The following PTK2 variants were observed in gnomAD, a reference collection of about 807,000 sequenced individuals.
PTK2 encodes protein tyrosine kinase 2, also known as focal adhesion kinase 1.
PTK2 carries 45 observed loss-of-function variants against 150.1 expected under a neutral mutation model. That is an observed-to-expected ratio of 0.30 (90% CI 0.24 to 0.38). PTK2 has a LOEUF of 0.38. Ranked by LOEUF, PTK2 falls within the 10% of genes least tolerant of loss-of-function variation. PTK2 has a pLI of 1.00. For missense variants in PTK2, 919 were observed against 1,307.3 expected (o/e 0.70, Z 4.58); for synonymous variants, 432 against 449.2 (o/e 0.96, Z 0.48).
rs2100081969 is a variant in PTK2, at chr8:140,781,988, C to T, written c.1177+7486G>A. On this transcript the variant is annotated intron_variant, in intron 14 of 31. Coordinates refer to ENST00000522684, the Ensembl canonical transcript of PTK2. Reference sequence around the variant, plus strand: ...TATTTTGATTGTTCACTTCCTTATTCATGCACAACACGATCAGCCAGTCTA... The same window carrying T: ...TATTTTGATTGTTCACTTCCTTATTTATGCACAACACGATCAGCCAGTCTA... Among the ~76,000 whole-genome samples the T allele has an allele frequency of 3.3e-5, 5 of 152,204 alleles. No individual in the cohort carries two copies. The South Asian group carries it at 1.0e-3, about 32-fold the overall frequency.
chr8:140,851,945 G>A (rs551864900), intron 5 of PTK2, among the ~76,000 whole-genome samples: 8 of 151,900 alleles, frequency 5.3e-5, no homozygotes, highest in South Asian at 2.1e-4. Context: ...GTGTGTGCCC[G>A]TGTGTGTACT....
chr8:140,973,371 A>C (rs1411432339), intron 1 of PTK2, among the ~76,000 whole-genome samples: 1 of 152,212 alleles, frequency 6.6e-6, no homozygotes, highest in African/African-American at 2.4e-5. Context: ...TCAAATGGTC[A>C]TTTGACTTTT....
At chr8:140,837,732 CA>C (rs2100119633) in intron 7 of PTK2, among the ~76,000 whole-genome samples, 1 of 144,246 alleles carries the variant, frequency 6.9e-6, no homozygotes, top group Non-Finnish European at 1.5e-5. Flanking sequence ...CTGTCTCAAA[CA>C]AACAAACAAA....
chr8:140,719,044 C>T (rs879416279), intron 22 of PTK2, among the ~76,000 whole-genome samples: 4 of 151,972 alleles, frequency 2.6e-5, no homozygotes, highest in Non-Finnish European at 5.9e-5. Context: ...GGTGTGGTGG[C>T]GCGTGCCTGT....
chr8:140,706,851 C>A (rs2100034090), intron 23 of PTK2, among the ~76,000 whole-genome samples: 1 of 152,032 alleles, frequency 6.6e-6, no homozygotes, highest in African/African-American at 2.4e-5. Context: ...GGCAACGTAG[C>A]AAGACTGTAC....
chr8:140,880,637 T>A (rs549926162), intron 3 of PTK2, among the ~76,000 whole-genome samples: 1 of 152,208 alleles, frequency 6.6e-6, no homozygotes, highest in Non-Finnish European at 1.5e-5. Flanking sequence ...TAGCAATTAA[T>A]TGAAGCTATA....
chr8:140,847,098 T>C (rs1457351894), intron 5 of PTK2, among the ~76,000 whole-genome samples: 5 of 152,312 alleles, frequency 3.3e-5, no homozygotes, highest in Admixed American at 2.6e-4. Flanking sequence ...GCTCCACACC[T>C]TTCCCATGCT....
chr8:140,740,426 G>T (rs1402590058), intron 20 of PTK2, among the ~76,000 whole-genome samples: 4 of 152,186 alleles, frequency 2.6e-5, no homozygotes, highest in African/African-American at 9.7e-5. Context: ...GAGCGGCTGG[G>T]CTCTGCCAGC....
intron 30 of PTK2, among the ~76,000 whole-genome samples, chr8:140,667,550 C>T (rs1312012211): frequency 6.6e-6 from 1 of 151,808 alleles, no homozygotes. Context: ...ATCTGCCTGC[C>T]TCAGCCTCCC....
chr8:141,001,073 G>C (rs1026357065), intron 1 of PTK2, 52 bp downstream of exon 1: 1 of 151,356 alleles, frequency 6.6e-6, no homozygotes, highest in Admixed American at 6.6e-5. Context: ...CTGCACAGAA[G>C]GAGCCCGCCC....
intron 22 of PTK2, among the ~76,000 whole-genome samples, chr8:140,734,053 G>A (rs1005918609): frequency 1.2e-4 from 19 of 152,164 alleles, no homozygotes; most frequent in African/African-American, 4.1e-4. Flanking sequence ...CTACCTATAG[G>A]TCTTAATTCT....
Position 140,818,268 on chromosome 8 carries a change from C to T in PTK2, c.867+9G>A, listed in dbSNP as rs1011581022. ...ACGCCAAGTTCCCGAAAGGTCAGAG[C>T]AGACTTACATTGCAGCCCTTGTCCG... is the stretch of plus-strand genomic sequence containing the variant. On this transcript the variant is annotated intron_variant, in intron 10 of 31. Transcript: ENST00000522684. 3.1e-6 allele frequency: 5 copies of T among 1,608,820 alleles called. No individual in the cohort carries two copies. In the African/African-American group the frequency reaches 6.7e-5, roughly 22 times the overall value.
exon 32 of PTK2, chr8:140,659,387 AG>A (rs1323276903): frequency 7.7e-7 from 1 of 1,303,922 alleles, no homozygotes; most frequent in Non-Finnish European, 1.1e-6. Context: ...CTGAGGACAC[AG>A]GGTTAATTCC....
chr8:140,775,781 A>T (rs2100078064), intron 14 of PTK2, among the ~76,000 whole-genome samples: 1 of 152,226 alleles, frequency 6.6e-6, no homozygotes, highest in Non-Finnish European at 1.5e-5. Flanking sequence ...ATTAAAAAAC[A>T]AGCTAAGTTG....
intron 1 of PTK2, among the ~76,000 whole-genome samples, chr8:140,980,752 C>CTTTT (rs565678002): frequency 2.2e-5 from 3 of 138,952 alleles, no homozygotes; most frequent in Admixed American, 7.3e-5. Flanking sequence ...GGCTCTAAAG[C>CTTTT]TTTTTTTTTT....
chr8:140,666,450 A>C (rs1257082397), intron 30 of PTK2, among the ~76,000 whole-genome samples: 2 of 152,152 alleles, frequency 1.3e-5, no homozygotes, highest in African/African-American at 2.4e-5. Flanking sequence ...GAAAAAAAAA[A>C]CTTGACATTT....
chr8:140,962,024 C>A (rs2100183361), intron 1 of PTK2, among the ~76,000 whole-genome samples: 3 of 151,966 alleles, frequency 2.0e-5, no homozygotes, highest in African/African-American at 7.3e-5. Context: ...AGGTGGATCA[C>A]ATGAGGCCAG....
chr8:140,901,102 C>T (rs1430717582), intron 2 of PTK2, among the ~76,000 whole-genome samples: 1 of 152,130 alleles, frequency 6.6e-6, no homozygotes, highest in Non-Finnish European at 1.5e-5. Context: ...TAAATCCATA[C>T]ATTTACAACC....
At chr8:140,757,168 G>C (rs1342307640) in intron 16 of PTK2, among the ~76,000 whole-genome samples, 1 of 152,076 alleles carries the variant, frequency 6.6e-6, no homozygotes, top group African/African-American at 2.4e-5. Context: ...TACCTATCAG[G>C]AATTTTGGAG....
Sources: gnomAD v4.1 joint callset for allele counts (sites outside exome capture counted in the v4.1 genomes callset) on GRCh38, gnomAD v4.1.1 for gene constraint, MANE v1.5 for transcripts, NCBI Gene and HGNC (gene_info 2026-07-23, HGNC 2026-07-21) for gene names.